The following ANO2 variants were observed in gnomAD, a reference collection of about 807,000 sequenced individuals.
ANO2 encodes anoctamin-2.
In ANO2, 101 loss-of-function variants were observed where a neutral mutation model predicts 124.2. The ratio of observed to expected loss-of-function variants is 0.81; its 90% confidence interval spans 0.69 to 0.96. ANO2 has a LOEUF of 0.96. Among genes scored for constraint, ANO2 ranks in the 40% least tolerant of loss-of-function variants. The probability of loss-of-function intolerance (pLI) is 0.00; values close to 1 mark genes in which losing one functional copy is unlikely to be tolerated. For synonymous variants in ANO2, 486 were observed against 482.5 expected (o/e 1.01, Z -0.09); for missense variants, 1,293 against 1,274.5 (o/e 1.01, Z -0.22).
At chr12:5,890,126 G>A (rs1939291147) in intron 3 of ANO2, among the ~76,000 whole-genome samples, 1 of 151,956 alleles carries the variant, frequency 6.6e-6, no homozygotes, top group Non-Finnish European at 1.5e-5. Context: ...CGAGTATTGA[G>A]CCCTTGGCTG....
At chr12:5,597,216 C>A (rs1480295142) in intron 20 of ANO2, among the ~76,000 whole-genome samples, 2 of 152,026 alleles carry the variant, frequency 1.3e-5, no homozygotes, top group Non-Finnish European at 2.9e-5. Context: ...GCCTAGTACC[C>A]ATTAGTTCTT....
intron 20 of ANO2, among the ~76,000 whole-genome samples, chr12:5,597,870 C>T (rs903204916): frequency 1.3e-5 from 2 of 152,218 alleles, no homozygotes; most frequent in Non-Finnish European, 1.5e-5. Flanking sequence ...TTAGAGGTAG[C>T]TCTTAGCCAA....
upstream of ANO2, chr12:5,945,369 C>T (rs1317658761): frequency 6.3e-6 from 5 of 793,060 alleles, no homozygotes; most frequent in Admixed American, 2.5e-4. Flanking sequence ...TCCCGGCCGC[C>T]GGCGCCGCGC....
chr12:5,915,784 T>C (rs1231131406), intron 3 of ANO2, among the ~76,000 whole-genome samples: 1 of 152,204 alleles, frequency 6.6e-6, no homozygotes, highest in Non-Finnish European at 1.5e-5. Flanking sequence ...CTCTAGCTGA[T>C]GAATCTCCAA....
intron 20 of ANO2, among the ~76,000 whole-genome samples, chr12:5,589,593 G>C (rs1248326085): frequency 6.6e-6 from 1 of 152,178 alleles, no homozygotes; most frequent in African/African-American, 2.4e-5. Flanking sequence ...TGGCGGGGGG[G>C]TGCTGGGCAA....
chr12:5,738,290 A>T (rs150348381), intron 13 of ANO2, among the ~76,000 whole-genome samples: 3 of 152,340 alleles, frequency 2.0e-5, no homozygotes, highest in Admixed American at 6.5e-5. Flanking sequence ...CTTCTTTCTC[A>T]TAAAGTGTCA....
At chr12:5,936,671 C>T (rs1193482930) in intron 1 of ANO2, among the ~76,000 whole-genome samples, 1 of 152,224 alleles carries the variant, frequency 6.6e-6, no homozygotes, top group African/African-American at 2.4e-5. Flanking sequence ...AGACAGAATG[C>T]TTATGGTTTT....
chr12:5,690,111 T>C lies in ANO2; in HGVS notation c.1546-42310A>G, dbSNP rs1363320162. 2.0e-5 allele frequency among the ~76,000 whole-genome samples: 3 copies of C among 152,174 alleles called. 1 individual carries two copies. Among genetic ancestry groups the C allele is most frequent in the Middle Eastern group, 6.8e-3 (2 of 294 alleles). ...AGCAGATTTTGGTGCTGAGAAACAG[T>C]TGACTGGCTGGAGTTAATGATGAAG... On this transcript the variant is annotated intron_variant, in intron 14 of 24. Coordinates refer to ENST00000682330, the MANE Select transcript of ANO2 (RefSeq NM_001364791.2).
chr12:5,585,325 A>G (rs1451105441), intron 20 of ANO2, among the ~76,000 whole-genome samples: 1 of 152,276 alleles, frequency 6.6e-6, no homozygotes, highest in Non-Finnish European at 1.5e-5. Context: ...TACACAATGG[A>G]TCGGGCCTGA....
At chr12:5,651,338 G>C (rs903436608) in intron 14 of ANO2, among the ~76,000 whole-genome samples, 2 of 152,192 alleles carry the variant, frequency 1.3e-5, no homozygotes, top group African/African-American at 4.8e-5. Context: ...ATAGGTGAGA[G>C]TGCTATTTAA....
chr12:5,793,857 A>G (rs913518496), intron 10 of ANO2, among the ~76,000 whole-genome samples: 5 of 152,210 alleles, frequency 3.3e-5, no homozygotes, highest in African/African-American at 7.2e-5. Flanking sequence ...TCCTGTTTCC[A>G]TTGGTCAACC....
intron 7 of ANO2, among the ~76,000 whole-genome samples, chr12:5,808,458 G>T (rs1349206370): frequency 1.3e-5 from 2 of 151,960 alleles, no homozygotes; most frequent in Non-Finnish European, 2.9e-5. Context: ...CAGATGGGAG[G>T]GATTATGTCT....
chr12:5,881,052 C>T (rs1165161937), intron 3 of ANO2, among the ~76,000 whole-genome samples: 2 of 152,158 alleles, frequency 1.3e-5, no homozygotes, highest in Non-Finnish European at 2.9e-5. Context: ...GAGCAATGGA[C>T]AAAGATGACC....
rs140397984 is a variant in ANO2 at position 5,750,842 on chromosome 12, A to G, written c.1184T>C (p.Ile395Thr). 2 of 1,610,750 alleles carry G rather than the reference A, an allele frequency of 1.2e-6. No individual in the cohort carries two copies. Among genetic ancestry groups the G allele is most frequent in the African/African-American group, 1.3e-5 (1 of 74,884 alleles). The change falls in exon 11 of 25, where the codon ATT (isoleucine) becomes ACT (threonine). Residue 395 changes from isoleucine (I) to threonine (T), a missense_variant. Transcript: ENST00000682330. ...LYGCATIEED[I>T]PSREMCDQQN... ...TTCTTTAAAACTGATTTACCTGGGA[A>G]TATCTTCTTCAATTGTTGCACATCC...
chr12:5,944,555 C>A (rs1413208373), intron 1 of ANO2, among the ~76,000 whole-genome samples: 2 of 152,168 alleles, frequency 1.3e-5, no homozygotes, highest in Admixed American at 1.3e-4. Flanking sequence ...TGCCCAAAAG[C>A]AATAAAATAA....
chr12:5,928,317 C>T (rs1321104250), intron 1 of ANO2, among the ~76,000 whole-genome samples: 2 of 152,208 alleles, frequency 1.3e-5, no homozygotes, highest in Non-Finnish European at 2.9e-5. Context: ...GCCACTGCTT[C>T]CAGCAAAACC....
At chr12:5,694,251 CAGAG>C (rs5796182) in intron 14 of ANO2, among the ~76,000 whole-genome samples, 214 of 133,948 alleles carry the variant, frequency 1.6e-3, no homozygotes, top group Middle Eastern at 3.8e-3. Flanking sequence ...TTACCAGAGA[CAGAG>C]AGAGAGAGAG....
intron 20 of ANO2, among the ~76,000 whole-genome samples, chr12:5,597,969 T>G (rs1351974566): frequency 6.6e-6 from 1 of 152,234 alleles, no homozygotes; most frequent in Non-Finnish European, 1.5e-5. Flanking sequence ...ACTTAATGAT[T>G]GTTTGTTCTC....
At chr12:5,895,902 T>G (rs1208235884) in intron 3 of ANO2, among the ~76,000 whole-genome samples, 2 of 151,970 alleles carry the variant, frequency 1.3e-5, no homozygotes, top group African/African-American at 4.8e-5. Context: ...CATCAACCAA[T>G]GAGCGAATAA....
Sources: gnomAD v4.1 joint callset for allele counts (sites outside exome capture counted in the v4.1 genomes callset) on GRCh38, gnomAD v4.1.1 for gene constraint, MANE v1.5 for transcripts, NCBI Gene and HGNC (gene_info 2026-07-23, HGNC 2026-07-21) for gene names.